The following TMEM161B variants were observed in gnomAD, a reference collection of about 807,000 sequenced individuals.
TMEM161B encodes the protein transmembrane protein 161B.
Under a neutral mutation model 61.8 loss-of-function variants are expected in TMEM161B, and 34 were observed. That is an observed-to-expected ratio of 0.55 (90% confidence interval 0.42 to 0.73). The LOEUF (loss-of-function observed/expected upper bound fraction) is 0.73. TMEM161B is among the 30% of genes least tolerant of loss of function. The pLI is 0.00. For missense variants in TMEM161B, 456 were observed against 558.5 expected (o/e 0.82, Z 1.85); for synonymous variants, 167 against 192.8 (o/e 0.87, Z 1.11).
chr5:88,189,451 T>C (rs949062226), downstream of TMEM161B, among the ~76,000 whole-genome samples: 1 of 152,178 alleles, frequency 6.6e-6, no homozygotes, highest in South Asian at 2.1e-4. Context: ...AGGTTTTACA[T>C]GGCTGTGGTG....
intron 3 of TMEM161B, among the ~76,000 whole-genome samples, chr5:88,226,119 T>C (rs761285890): frequency 1.1e-4 from 17 of 152,166 alleles, no homozygotes; most frequent in Non-Finnish European, 2.4e-4. Flanking sequence ...TGCAACAAAA[T>C]CTTTTTTTTT....
In TMEM161B at chr5:88,196,355, T is replaced by C; in HGVS notation, c.1320A>G (p.Thr440=). ...TATTTTTTAAGCTGCTCAGTGCCAC[T>C]GTTATTTGTGTAACAGTTACCTTCA... The part of the protein sequence containing the change: ...GKMKVTVTQI[T]VALSSLKNIF... Residue 440 remains threonine, a synonymous_variant, in exon 12 of 12, where the codon ACA becomes ACG. Transcript: ENST00000296595. 3 of 1,613,448 alleles carry C rather than the reference T, an allele frequency of 1.9e-6. No homozygotes were observed. The highest frequency in any genetic ancestry group is 2.5e-6 in the Non-Finnish European group (3 of 1,179,572).
Position 88,196,346 on chromosome 5 carries a change from C to T in TMEM161B, c.1329G>A (p.Leu443=). 1 of 1,613,378 alleles carries T rather than the reference C, an allele frequency of 6.2e-7. No individual in the cohort carries two copies. The highest frequency in any genetic ancestry group is 8.5e-7 in the Non-Finnish European group (1 of 1,179,580). Residue 443 remains leucine, a synonymous_variant, in exon 12 of 12, where the codon CTG becomes CTA. Transcript: ENST00000296595. Reference sequence around the variant, plus strand: ...GAGTAAAAATATTTTTTAAGCTGCTCAGTGCCACTGTTATTTGTGTAACAG... The same window carrying T: ...GAGTAAAAATATTTTTTAAGCTGCTTAGTGCCACTGTTATTTGTGTAACAG... The part of the protein sequence containing the change: ...KVTVTQITVA[L]SSLKNIFTPL...
rs868122375 is a variant in TMEM161B, at chr5:88,240,808, C to T, written c.107+5G>A. ...TCAGTTGAAATCAGCCTATCCTTGC[C>T]TTACCTGCCATTACAGAGTAGCCAT... On this transcript the variant is annotated splice_donor_5th_base_variant and intron_variant, in intron 2 of 11. Transcript: ENST00000296595. 1.2e-6 allele frequency: 2 copies of T among 1,606,520 alleles called. No homozygotes were observed. The highest frequency in any genetic ancestry group is 1.1e-5 in the South Asian group (1 of 90,898).
chr5:88,258,230 T>C (rs752323510), intron 1 of TMEM161B, among the ~76,000 whole-genome samples: 10 of 152,226 alleles, frequency 6.6e-5, no homozygotes, highest in Non-Finnish European at 1.3e-4. Context: ...AAAACATATT[T>C]TGTTGGCAAT....
At position 88,196,451 on chromosome 5, in the gene TMEM161B, A is replaced by G. The variant is rs1452477323; in HGVS notation, c.1224T>C (p.Ser408=). 1 of 1,611,878 alleles carries G rather than the reference A, an allele frequency of 6.2e-7. No individual in the cohort carries two copies. The highest frequency in any genetic ancestry group is 1.3e-5 in the African/African-American group (1 of 74,800). The change falls in exon 12 of 12, where the codon TCT becomes TCC. Residue 408 remains serine, a synonymous_variant. Transcript: ENST00000296595. ...GTAGACTATTATCCACTGGTAAGGT[A>G]GAGATAGATTCTGGATAAATACCCC... ...HSWGIYPESI[S]TLPVDNSLLS... is the part of the protein sequence containing the mutation.
chr5:88,228,563 T>C (rs778075561), intron 2 of TMEM161B, 35 bp from the exon 3 acceptor site: 2 of 1,411,696 alleles, frequency 1.4e-6, no homozygotes, highest in South Asian at 2.6e-5. Flanking sequence ...AATAAAGCGC[T>C]TAAAATCACC....
chr5:88,247,051 G>T (rs1753712667), intron 1 of TMEM161B, among the ~76,000 whole-genome samples: 1 of 151,898 alleles, frequency 6.6e-6, no homozygotes. Flanking sequence ...GAAACATTGG[G>T]GTAACTTAGG....
intron 5 of TMEM161B, among the ~76,000 whole-genome samples, chr5:88,219,289 A>G (rs754818764): frequency 1.3e-5 from 2 of 152,208 alleles, no homozygotes; most frequent in Non-Finnish European, 2.9e-5. Flanking sequence ...CAGCCCAAAG[A>G]TACGTGCTTA....
chr5:88,261,072 T>C (rs1486763126), intron 1 of TMEM161B, among the ~76,000 whole-genome samples: 2 of 152,170 alleles, frequency 1.3e-5, no homozygotes, highest in South Asian at 2.1e-4. Context: ...TAAGCAATTA[T>C]AGCAAGGTTG....
At chr5:88,221,113 A>G (rs950485092) in intron 4 of TMEM161B, among the ~76,000 whole-genome samples, 2 of 152,244 alleles carry the variant, frequency 1.3e-5, no homozygotes, top group African/African-American at 4.8e-5. Flanking sequence ...AGTCTGGAAC[A>G]CAACAATTTA....
chr5:88,187,271 TCTAA>T (rs1364349034), downstream of TMEM161B, among the ~76,000 whole-genome samples: 1 of 152,236 alleles, frequency 6.6e-6, no homozygotes, highest in Non-Finnish European at 1.5e-5. Flanking sequence ...CTTCAAATCC[TCTAA>T]CTTTTTCCAT....
intron 10 of TMEM161B, 185 bp downstream of exon 10, chr5:88,198,791 A>G: frequency 1.7e-6 from 1 of 577,170 alleles, no homozygotes; most frequent in Non-Finnish European, 3.0e-6. Context: ...AGAGGAATTA[A>G]GACCTCACTT....
chr5:88,199,344 T>C (rs1481740417), intron 9 of TMEM161B, 194 bp from the exon 10 acceptor site: 4 of 447,392 alleles, frequency 8.9e-6, no homozygotes, highest in Non-Finnish European at 1.5e-5. Context: ...GATAAATGTA[T>C]CATGAAAGCG....
intron 5 of TMEM161B, among the ~76,000 whole-genome samples, chr5:88,209,485 A>G (rs1183748171): frequency 1.3e-5 from 2 of 152,204 alleles, no homozygotes; most frequent in Admixed American, 6.5e-5. Flanking sequence ...TTGTTATCCT[A>G]GAATAATGAA....
At chr5:88,262,061 C>T (rs554851090) in intron 1 of TMEM161B, among the ~76,000 whole-genome samples, 4 of 152,222 alleles carry the variant, frequency 2.6e-5, no homozygotes, top group African/African-American at 9.6e-5. Flanking sequence ...ATAACAAACT[C>T]TTAATTAAAA....
chr5:88,263,502 C>G (rs1317937172), intron 1 of TMEM161B, among the ~76,000 whole-genome samples: 3 of 152,098 alleles, frequency 2.0e-5, no homozygotes, highest in African/African-American at 7.2e-5. Context: ...TTCATTTCAC[C>G]ATGACTGTAA....
intron 5 of TMEM161B, among the ~76,000 whole-genome samples, chr5:88,211,879 C>T (rs1010177757): frequency 1.3e-5 from 2 of 151,320 alleles, no homozygotes; most frequent in African/African-American, 2.4e-5. Flanking sequence ...AGTGGAGGGA[C>T]GGACAGAAGA....
chr5:88,231,205 C>T (rs2112596277), intron 2 of TMEM161B, among the ~76,000 whole-genome samples: 1 of 152,206 alleles, frequency 6.6e-6, no homozygotes, highest in East Asian at 1.9e-4. Flanking sequence ...AAGCAGTTTC[C>T]TAAGTACTAT....
Sources: allele counts gnomAD v4.1 joint callset (sites outside exome capture counted in the v4.1 genomes callset), GRCh38; gene constraint gnomAD v4.1.1; transcripts MANE v1.5; gene names NCBI Gene and HGNC (gene_info 2026-07-23, HGNC 2026-07-21).